The following RGS6 variants were observed in gnomAD, a reference collection of about 807,000 sequenced individuals.
RGS6 encodes regulator of G protein signaling 6.
RGS6 carries 30 observed loss-of-function variants against 78.5 expected under a neutral mutation model. That is an observed-to-expected ratio of 0.38 (90% confidence interval 0.29 to 0.52). The LOEUF is 0.52. Among genes scored for constraint, RGS6 ranks in the 20% least tolerant of loss-of-function variants. The pLI, the probability that RGS6 is intolerant of heterozygous loss-of-function variation, is 0.85. For missense variants in RGS6, 495 were observed against 609.7 expected, an observed-to-expected ratio of 0.81 and a Z score of 1.98; for synonymous variants, 206 against 206.0, an observed-to-expected ratio of 1.00 and a Z score of 0.00.
At chr14:72,495,083 G>A (rs1280159945) in intron 12 of RGS6, 69 bp from the exon 13 acceptor site, 3 of 922,114 alleles carry the variant, frequency 3.3e-6, no homozygotes, top group Non-Finnish European at 5.4e-6. Flanking sequence ...TATAATGTTT[G>A]TGTAAAACAG....
intron 2 of RGS6, among the ~76,000 whole-genome samples, chr14:72,033,738 G>C (rs940693577): frequency 6.6e-6 from 1 of 152,188 alleles, no homozygotes; most frequent in African/African-American, 2.4e-5. Flanking sequence ...GTTGTATGTT[G>C]AGGACTGTCT....
chr14:72,124,606 C>T (rs551733550), intron 2 of RGS6, among the ~76,000 whole-genome samples: 13 of 152,108 alleles, frequency 8.5e-5, no homozygotes, highest in East Asian at 1.9e-4. Flanking sequence ...TCATTGTTGG[C>T]GAACACAATC....
intron 15 of RGS6, among the ~76,000 whole-genome samples, chr14:72,523,982 G>T (rs963474448): frequency 1.3e-5 from 2 of 152,114 alleles, no homozygotes; most frequent in African/African-American, 4.8e-5. Flanking sequence ...CCTCATCTGG[G>T]TGATGGGGGT....
chr14:72,197,972 GTTA>G (rs767520164), intron 2 of RGS6, among the ~76,000 whole-genome samples: 3 of 151,886 alleles, frequency 2.0e-5, no homozygotes, highest in Middle Eastern at 3.2e-3. Flanking sequence ...TATAATTTTT[GTTA>G]TTATATTTTA....
intron 2 of RGS6, among the ~76,000 whole-genome samples, chr14:72,035,026 A>G (rs1596380036): frequency 6.6e-6 from 1 of 152,144 alleles, no homozygotes; most frequent in Admixed American, 6.5e-5. Context: ...CCCAGAACTT[A>G]AATCATCCCT....
At chr14:72,533,402 G>A (rs1042230040) in intron 15 of RGS6, among the ~76,000 whole-genome samples, 1 of 152,234 alleles carries the variant, frequency 6.6e-6, no homozygotes, top group African/African-American at 2.4e-5. Flanking sequence ...TGTACAAGGA[G>A]ATTAATGTTG....
intron 12 of RGS6, among the ~76,000 whole-genome samples, chr14:72,486,268 C>T (rs2238178): frequency 0.014 from 2,063 of 152,246 alleles, 52 homozygotes; most frequent in East Asian, 0.091. Context: ...TGGGTATTTC[C>T]TCATAGCAGC....
chr14:72,525,342 C>T (rs2097104253), intron 15 of RGS6, among the ~76,000 whole-genome samples: 1 of 152,184 alleles, frequency 6.6e-6, no homozygotes, highest in African/African-American at 2.4e-5. Flanking sequence ...TGTGAATATA[C>T]AAATGCGTAG....
chr14:71,882,235 A>G, the RGS6 span, among the ~76,000 whole-genome samples: 1 of 152,218 alleles, frequency 6.6e-6, no homozygotes, highest in Admixed American at 6.5e-5. Context: ...ACTTAGCACA[A>G]TGTCCTAAAG....
At chr14:72,417,009 T>TA (rs1306623744) in intron 3 of RGS6, among the ~76,000 whole-genome samples, 1 of 152,180 alleles carries the variant, frequency 6.6e-6, no homozygotes, top group Non-Finnish European at 1.5e-5. Context: ...TCACGACTGC[T>TA]ACTATGATTA....
chr14:71,995,609 G>T (rs1427544859), intron 2 of RGS6, among the ~76,000 whole-genome samples: 2 of 152,170 alleles, frequency 1.3e-5, no homozygotes, highest in African/African-American at 2.4e-5. Context: ...CGCCTCATAG[G>T]GGTGTTGAGA....
At chr14:72,568,088 C>T (rs893631871), downstream of RGS6, among the ~76,000 whole-genome samples, 1 of 152,184 alleles carries the variant, frequency 6.6e-6, no homozygotes, top group Admixed American at 6.5e-5. Context: ...CGCTCTTCCT[C>T]GCTTGAAGTG....
At position 72,248,970 on chromosome 14, in the gene RGS6, C is replaced by T. The variant is rs569596188; in HGVS notation, c.85-103125C>T. Among the ~76,000 whole-genome samples the T allele has an allele frequency of 5.6e-4, 85 of 152,314 alleles. 1 individual carries two copies. The highest frequency in any genetic ancestry group is 3.4e-3 in the Middle Eastern group (1 of 294). On this transcript the variant is annotated intron_variant, in intron 2 of 17. Transcript: ENST00000553525. ...CTAATAAGGCTTGCAGCTATAACTGCAGTTTATCCTGATAAAACTTATTTC... is the reference window on the plus strand; with the variant it reads ...CTAATAAGGCTTGCAGCTATAACTGTAGTTTATCCTGATAAAACTTATTTC...
At chr14:72,586,607 G>T in the RGS6 span, among the ~76,000 whole-genome samples, 2 of 152,068 alleles carry the variant, frequency 1.3e-5, no homozygotes, top group African/African-American at 4.8e-5. Flanking sequence ...AGGGCACTTT[G>T]GTCAGAAAGG....
At chr14:72,038,269 C>T (rs2091989498) in intron 2 of RGS6, among the ~76,000 whole-genome samples, 2 of 152,174 alleles carry the variant, frequency 1.3e-5, no homozygotes, top group Admixed American at 6.5e-5. Context: ...TCCCGGCCAA[C>T]CATGCTATCT....
At chr14:72,153,711 G>A (rs1161866164) in intron 2 of RGS6, among the ~76,000 whole-genome samples, 1 of 152,196 alleles carries the variant, frequency 6.6e-6, no homozygotes, top group East Asian at 1.9e-4. Context: ...TTCAAAAGGG[G>A]AGGGGGTGTA....
chr14:72,620,812 G>A, the RGS6 span, among the ~76,000 whole-genome samples: 12 of 152,192 alleles, frequency 7.9e-5, no homozygotes, highest in Admixed American at 3.3e-4. Flanking sequence ...TTTCCTTTAC[G>A]TTACATGCCT....
intron 2 of RGS6, among the ~76,000 whole-genome samples, chr14:72,116,963 C>CAAAAA (rs56397216): frequency 1.0e-4 from 8 of 78,326 alleles, no homozygotes; most frequent in Admixed American, 1.5e-4. Flanking sequence ...GACTCCATCT[C>CAAAAA]AAAAAAAAAA....
chr14:72,311,053 T>C (rs1485898889), intron 2 of RGS6, among the ~76,000 whole-genome samples: 2 of 152,210 alleles, frequency 1.3e-5, no homozygotes, highest in Non-Finnish European at 2.9e-5. Flanking sequence ...AGGGAAGCAA[T>C]GTGTGCGATC....
Sources: allele counts gnomAD v4.1 joint callset (sites outside exome capture counted in the v4.1 genomes callset), GRCh38; gene constraint gnomAD v4.1.1; transcripts MANE v1.5; gene names NCBI Gene and HGNC (gene_info 2026-07-23, HGNC 2026-07-21).